The following SGCD variants were observed in gnomAD, a reference collection of about 807,000 sequenced individuals.
The protein encoded by SGCD is delta-sarcoglycan.
In SGCD, 18 loss-of-function variants were observed where a neutral mutation model predicts 36.6. The ratio of observed to expected loss-of-function variants is 0.49; its 90% CI spans 0.34 to 0.73. SGCD has a LOEUF of 0.73. SGCD is among the 30% of genes least tolerant of loss of function. The probability of loss-of-function intolerance (pLI) is 0.01; values close to 1 mark genes in which losing one functional copy is unlikely to be tolerated. For synonymous variants in SGCD, 133 were observed against 130.6 expected, an observed-to-expected ratio of 1.02 and a Z score of -0.12; for missense variants, 387 against 346.7, an observed-to-expected ratio of 1.12 and a Z score of -0.92.
Position 156,640,098 on chromosome 5 carries a change from A to G in SGCD, c.503-7366A>G, listed in dbSNP as rs528941739. The stretch of plus-strand genomic sequence containing the variant: ...GCTCAGTGTTCCATCAGCTTCTTGT[A>G]CTACTTCATAGCATTTACAACAGTT... On this transcript the variant is annotated intron_variant, in intron 6 of 8. Coordinates refer to ENST00000337851, the MANE Select transcript of SGCD (RefSeq NM_000337.6). Among the ~76,000 whole-genome samples the G allele has an allele frequency of 1.8e-4, 27 of 152,166 alleles. 1 individual carries two copies. Among genetic ancestry groups the G allele is most frequent in the East Asian group, 1.4e-3 (7 of 5,166 alleles).
chr5:156,204,108 G>A (rs1427707569), intron 3 of SGCD, among the ~76,000 whole-genome samples: 1 of 152,074 alleles, frequency 6.6e-6, no homozygotes, highest in African/African-American at 2.4e-5. Flanking sequence ...TAAAAGCCAA[G>A]AGTGTGGTTG....
chr5:156,408,096 T>C (rs1020394071), intron 3 of SGCD, among the ~76,000 whole-genome samples: 4 of 152,240 alleles, frequency 2.6e-5, no homozygotes, highest in African/African-American at 9.6e-5. Flanking sequence ...CTGTTGAATA[T>C]GTAATTTGAG....
intron 1 of SGCD, among the ~76,000 whole-genome samples, chr5:155,948,991 T>C (rs747836714): frequency 5.9e-5 from 9 of 152,150 alleles, no homozygotes; most frequent in Non-Finnish European, 1.2e-4. Context: ...CAGCTGAGTC[T>C]CTGCAAAAAA....
chr5:156,541,635 G>C (rs1758350973), intron 4 of SGCD, among the ~76,000 whole-genome samples: 2 of 152,108 alleles, frequency 1.3e-5, no homozygotes, highest in Admixed American at 6.5e-5. Context: ...TGGTGATGAA[G>C]GGGCGCATCA....
intron 3 of SGCD, among the ~76,000 whole-genome samples, chr5:156,127,011 T>C (rs555246499): frequency 3.7e-4 from 57 of 152,280 alleles, no homozygotes; most frequent in African/African-American, 1.3e-3. Flanking sequence ...AACCACTGCT[T>C]AACCTGATCT....
chr5:156,759,356 C>A lies in SGCD; in HGVS notation c.839C>A (p.Ser280Tyr), dbSNP rs397516337. 6.2e-7 allele frequency: 1 copy of A among 1,611,676 alleles called. No homozygotes were observed. Among genetic ancestry groups the A allele is most frequent in the Non-Finnish European group, 8.5e-7 (1 of 1,178,170 alleles). The change falls in exon 9 of 9, where the codon TCC (serine) becomes TAC (tyrosine). Residue 280 changes from serine (S) to tyrosine (Y), a missense_variant. Transcript: ENST00000337851. The part of the protein sequence containing the change: ...RLFLSQAGAG[S>Y]TCQINTSVCL ...TTCCTGTCTCAGGCAGGAGCTGGGT[C>A]CACTTGTCAGATAAACACAAGTGTC... is the stretch of plus-strand genomic sequence containing the variant.
At position 156,344,675 on chromosome 5, in the gene SGCD, A is replaced by G. The variant is rs753808210; in HGVS notation, c.190A>G (p.Ile64Val). ...GATTCTCAAAGTCATGAACTTCACA[A>G]TTGTAAGTAAAACCATCTAGGTTTG... ...IWILKVMNFT[I>V]DGMGNLRITE... Residue 64 changes from isoleucine (I) to valine (V), a missense_variant and splice_region_variant, in exon 3 of 9, where the codon ATT becomes GTT. By Grantham distance (29) the Ile-to-Val change is conservative. Coordinates refer to ENST00000337851, the MANE Select transcript of SGCD (RefSeq NM_000337.6). 7.5e-6 allele frequency: 12 copies of G among 1,598,706 alleles called. No individual in the cohort carries two copies. The highest frequency in any genetic ancestry group is 1.1e-5 in the South Asian group (1 of 87,880).
intron 7 of SGCD, among the ~76,000 whole-genome samples, chr5:156,686,511 T>C (rs1401007799): frequency 6.6e-6 from 1 of 152,196 alleles, no homozygotes; most frequent in Non-Finnish European, 1.5e-5. Flanking sequence ...GGATAGTCTC[T>C]CTAGGCAGGC....
chr5:156,129,239 G>T (rs963539772), intron 3 of SGCD, among the ~76,000 whole-genome samples: 7 of 152,120 alleles, frequency 4.6e-5, no homozygotes, highest in East Asian at 1.9e-4. Flanking sequence ...TACATACTTT[G>T]TTCAAAGTGC....
At chr5:155,853,346 G>T in the SGCD span, among the ~76,000 whole-genome samples, 4 of 151,860 alleles carry the variant, frequency 2.6e-5, no homozygotes, top group Admixed American at 6.6e-5. Context: ...TAGAAAAAAT[G>T]GATTTGGATC....
At chr5:155,910,561 T>TA (rs1231149948) in intron 1 of SGCD, among the ~76,000 whole-genome samples, 1 of 151,778 alleles carries the variant, frequency 6.6e-6, no homozygotes, top group African/African-American at 2.4e-5. Context: ...ATCCTGATAG[T>TA]AAAAAAATAT....
intron 4 of SGCD, among the ~76,000 whole-genome samples, chr5:156,575,764 T>A (rs187967406): frequency 6.6e-6 from 1 of 151,550 alleles, no homozygotes; most frequent in Non-Finnish European, 1.5e-5. Context: ...AAAAAAAATA[T>A]GATTAAATAA....
At chr5:156,529,465 C>T (rs1231153533) in intron 4 of SGCD, among the ~76,000 whole-genome samples, 1 of 144,296 alleles carries the variant, frequency 6.9e-6, no homozygotes, top group Non-Finnish European at 1.5e-5. Context: ...TTAATATGGT[C>T]ATGTGGTCTT....
At chr5:156,342,757 A>C (rs1047211219) in intron 2 of SGCD, among the ~76,000 whole-genome samples, 2 of 152,224 alleles carry the variant, frequency 1.3e-5, no homozygotes, top group African/African-American at 4.8e-5. Flanking sequence ...AAAATTTGCA[A>C]GTATACAAAC....
At chr5:156,116,019 C>A (rs1042225430) in intron 1 of SGCD, among the ~76,000 whole-genome samples, 1 of 152,182 alleles carries the variant, frequency 6.6e-6, no homozygotes, top group Non-Finnish European at 1.5e-5. Context: ...TTGCCTAGAT[C>A]TACTATTTTA....
the SGCD span, among the ~76,000 whole-genome samples, chr5:155,741,687 C>CTTTTTT: frequency 2.3e-5 from 3 of 132,278 alleles, no homozygotes; most frequent in African/African-American, 5.6e-5. Flanking sequence ...CTTTTCTTTT[C>CTTTTTT]TTTTTTTTTT....
chr5:156,112,487 C>T (rs1761810495), intron 1 of SGCD, among the ~76,000 whole-genome samples: 1 of 152,068 alleles, frequency 6.6e-6, no homozygotes, highest in African/African-American at 2.4e-5. Flanking sequence ...TTTGGGAAGG[C>T]TCAGGATTAG....
At chr5:156,346,450 C>A (rs910521172) in intron 3 of SGCD, among the ~76,000 whole-genome samples, 3 of 152,100 alleles carry the variant, frequency 2.0e-5, no homozygotes, top group Non-Finnish European at 2.9e-5. Context: ...AGACACACAC[C>A]ATCATGCTTG....
At chr5:156,131,119 C>A (rs563880650) in intron 3 of SGCD, among the ~76,000 whole-genome samples, 1 of 152,278 alleles carries the variant, frequency 6.6e-6, no homozygotes, top group Non-Finnish European at 1.5e-5. Flanking sequence ...TTAAAGTGCT[C>A]TAATACAAGT....
Sources: gnomAD v4.1 joint callset for allele counts (sites outside exome capture counted in the v4.1 genomes callset) on GRCh38, gnomAD v4.1.1 for gene constraint, MANE v1.5 for transcripts, NCBI Gene and HGNC (gene_info 2026-07-23, HGNC 2026-07-21) for gene names.